The following RNF111 variants were observed in gnomAD, a reference collection of about 807,000 sequenced individuals.
RNF111 encodes the protein ring finger protein 111.
RNF111 carries 17 observed loss-of-function variants against 95.1 expected under a neutral mutation model. The ratio of observed to expected loss-of-function variants is 0.18; its 90% CI spans 0.12 to 0.27. The LOEUF (loss-of-function observed/expected upper bound fraction) is 0.27. RNF111 is among the 10% of genes least tolerant of loss of function. The pLI, the probability that RNF111 is intolerant of heterozygous loss-of-function variation, is 1.00. For synonymous variants in RNF111, 440 were observed against 414.8 expected, an observed-to-expected ratio of 1.06 and a Z score of -0.74; for missense variants, 1,189 against 1,210.4, an observed-to-expected ratio of 0.98 and a Z score of 0.26.
At chr15:59,014,255 T>G (rs557350182) in intron 1 of RNF111, among the ~76,000 whole-genome samples, 7 of 152,354 alleles carry the variant, frequency 4.6e-5, no homozygotes, top group Non-Finnish European at 7.3e-5. Flanking sequence ...TACCAGATGC[T>G]ACAGGCTTGT....
Position 59,031,842 on chromosome 15 carries a change from A to G in RNF111, c.880+140A>G, listed in dbSNP as rs1285215049. ...TTATTTTTAAGTCATATAAATTACC[A>G]ATTGCAGTATTAAACCATGACTCTA... On this transcript the variant is annotated intron_variant, in intron 2 of 13. Transcript: ENST00000348370. The G allele has an allele frequency of 8.1e-6, 6 of 743,998 alleles. No individual in the cohort carries two copies. The African/African-American group carries it at 1.1e-4, about 13-fold the overall frequency. The allele number at this position is 743,998 out of a possible 1,614,324, so 46.1% of individuals were successfully genotyped here. A position where few individuals can be genotyped will look rare whatever the true frequency, so the allele number is the denominator to read the frequency against.
intron 2 of RNF111, among the ~76,000 whole-genome samples, chr15:59,039,929 A>G (rs534119603): frequency 1.3e-5 from 2 of 151,932 alleles, no homozygotes; most frequent in South Asian, 2.1e-4. Context: ...GTTGGCCAGC[A>G]TGGTCTCGAT....
intron 2 of RNF111, among the ~76,000 whole-genome samples, chr15:59,038,988 GA>G (rs1336727894): frequency 1.3e-5 from 2 of 152,102 alleles, no homozygotes; most frequent in African/African-American, 4.8e-5. Context: ...TTTTGAGATG[GA>G]GTTTCACTTT....
At chr15:58,998,249 T>G (rs1181707438) in intron 1 of RNF111, among the ~76,000 whole-genome samples, 1 of 152,122 alleles carries the variant, frequency 6.6e-6, no homozygotes. Context: ...GGGAAGTTTT[T>G]TTTTTTTTTT....
At chr15:59,028,852 T>TG (rs2040758378) in intron 1 of RNF111, among the ~76,000 whole-genome samples, 1 of 151,864 alleles carries the variant, frequency 6.6e-6, no homozygotes, top group East Asian at 1.9e-4. Context: ...CAGTCCCAGC[T>TG]CACTGTAACC....
At chr15:59,040,034 G>A (rs895052664) in intron 2 of RNF111, among the ~76,000 whole-genome samples, 7 of 152,100 alleles carry the variant, frequency 4.6e-5, no homozygotes, top group Non-Finnish European at 8.8e-5. Context: ...TTTATTGGGA[G>A]GTGATAGAGA....
intron 7 of RNF111, 87 bp downstream of exon 7, chr15:59,076,302 T>C: frequency 6.9e-7 from 1 of 1,450,104 alleles, no homozygotes; most frequent in Non-Finnish European, 9.3e-7. Context: ...TTAATCCCAG[T>C]TCTTAAATTT....
chr15:59,023,156 GA>G (rs1199278583), intron 1 of RNF111, among the ~76,000 whole-genome samples: 1 of 152,178 alleles, frequency 6.6e-6, no homozygotes, highest in Non-Finnish European at 1.5e-5. Context: ...GCTGAGGCAG[GA>G]GAATCGGTTG....
intron 10 of RNF111, among the ~76,000 whole-genome samples, chr15:59,088,251 G>C (rs971431879): frequency 4.6e-5 from 7 of 152,110 alleles, no homozygotes; most frequent in Admixed American, 1.3e-4. Context: ...GATTGAGTTC[G>C]AATAGGAGAA....
chr15:59,043,425 G>A (rs1324774714), intron 2 of RNF111, among the ~76,000 whole-genome samples: 1 of 152,156 alleles, frequency 6.6e-6, no homozygotes, highest in Non-Finnish European at 1.5e-5. Flanking sequence ...GCAAAGTGCT[G>A]GGCTTGCAGG....
chr15:59,027,185 G>C (rs2040656471), intron 1 of RNF111, among the ~76,000 whole-genome samples: 2 of 152,144 alleles, frequency 1.3e-5, no homozygotes, highest in African/African-American at 4.8e-5. Flanking sequence ...AATTACGGAT[G>C]AGGAGTCTAA....
At chr15:59,003,194 C>T (rs1447260056) in intron 1 of RNF111, among the ~76,000 whole-genome samples, 1 of 152,180 alleles carries the variant, frequency 6.6e-6, no homozygotes, top group Non-Finnish European at 1.5e-5. Context: ...CAGCTCACTG[C>T]AACCTCTGCC....
Position 59,046,045 on chromosome 15 carries a change from T to C in RNF111, c.881-6260T>C, listed in dbSNP as rs572962815. Among the ~76,000 whole-genome samples, 4 of 152,332 alleles carry C rather than the reference T, an allele frequency of 2.6e-5. No individual in the cohort carries two copies. The East Asian group carries it at 7.7e-4, about 29-fold the overall frequency. ...CTCATAACTCCTAATAAATGTTATG[T>C]TTTCTAATTGATAATAACATTTCGC... On this transcript the variant is annotated intron_variant, in intron 2 of 13. Transcript: ENST00000348370.
At chr15:59,018,055 G>A (rs527395961) in intron 1 of RNF111, among the ~76,000 whole-genome samples, 11 of 152,092 alleles carry the variant, frequency 7.2e-5, no homozygotes, top group Non-Finnish European at 1.0e-4. Context: ...CACCACGCCC[G>A]GCCTATTTGT....
At chr15:58,996,186 A>C (rs1002945117) in intron 1 of RNF111, among the ~76,000 whole-genome samples, 1 of 152,090 alleles carries the variant, frequency 6.6e-6, no homozygotes, top group Non-Finnish European at 1.5e-5. Context: ...TTTATTAAAA[A>C]CCTGAAGTTT....
At chr15:59,086,897 C>G (rs771085524) in intron 10 of RNF111, among the ~76,000 whole-genome samples, 7 of 152,254 alleles carry the variant, frequency 4.6e-5, no homozygotes, top group Non-Finnish European at 1.0e-4. Context: ...ATCACCTCCT[C>G]AGTTATGTGG....
chr15:58,999,442 TC>T (rs1191042378), intron 1 of RNF111, among the ~76,000 whole-genome samples: 3 of 152,066 alleles, frequency 2.0e-5, no homozygotes, highest in Admixed American at 6.6e-5. Flanking sequence ...TTCAAGCAAT[TC>T]TGCTGCCTCA....
At chr15:59,042,489 A>G (rs2041513935) in intron 2 of RNF111, among the ~76,000 whole-genome samples, 1 of 152,190 alleles carries the variant, frequency 6.6e-6, no homozygotes, top group South Asian at 2.1e-4. Context: ...ATTTTGAATC[A>G]TAATTAGGAA....
intron 1 of RNF111, among the ~76,000 whole-genome samples, chr15:59,011,611 G>A (rs2039818453): frequency 6.6e-6 from 1 of 152,078 alleles, no homozygotes; most frequent in African/African-American, 2.4e-5. Flanking sequence ...ATAAATGATC[G>A]CTTGCTGTGT....
Sources: allele counts gnomAD v4.1 joint callset (sites outside exome capture counted in the v4.1 genomes callset), GRCh38; gene constraint gnomAD v4.1.1; transcripts MANE v1.5; gene names NCBI Gene and HGNC (gene_info 2026-07-23, HGNC 2026-07-21).